Variants in NXPE3 observed in about 807,000 individuals in gnomAD.
NXPE3 encodes neurexophilin and PC-esterase domain family member 3.
In NXPE3, 26 loss-of-function variants were observed where a neutral mutation model predicts 46.1. The ratio of observed to expected loss-of-function variants is 0.56; its 90% CI spans 0.41 to 0.78. The LOEUF (loss-of-function observed/expected upper bound fraction) is 0.78. Among genes scored for constraint, NXPE3 ranks in the 30% least tolerant of loss-of-function variants. The probability of loss-of-function intolerance (pLI) is 0.00; values close to 1 mark genes in which losing one functional copy is unlikely to be tolerated. For synonymous variants in NXPE3, 272 were observed against 257.9 expected, an observed-to-expected ratio of 1.05 and a Z score of -0.52; for missense variants, 620 against 686.0, an observed-to-expected ratio of 0.90 and a Z score of 1.07.
intron 4 of NXPE3, among the ~76,000 whole-genome samples, chr3:101,789,193 G>C (rs1289779669): frequency 1.3e-5 from 2 of 152,008 alleles, no homozygotes. Context: ...TAAAGTGATA[G>C]CTAAAGTCAT....
At chr3:101,795,885 AT>A (rs1468904060) in intron 4 of NXPE3, among the ~76,000 whole-genome samples, 1 of 152,126 alleles carries the variant, frequency 6.6e-6, no homozygotes, top group African/African-American at 2.4e-5. Flanking sequence ...ATCCTCCTTC[AT>A]GGTTGATTGT....
rs1448861780 is a variant in NXPE3 at position 101,785,530 on chromosome 3, G to T, written c.-67G>T. 4 of 1,400,676 alleles carry T rather than the reference G, an allele frequency of 2.9e-6. No homozygotes were observed. In the South Asian group the frequency reaches 4.6e-5, roughly 16 times the overall value. 86.8% of individuals were successfully genotyped at this position (1,400,676 alleles called of 1,614,324 possible). A position where few individuals can be genotyped will look rare whatever the true frequency, so the allele number is the denominator to read the frequency against. ...CTCATCTGCAGCTCAGAAAAGCAAA[G>T]ACATGGAATTTTAAAGAGTGAAGGT... On this transcript the variant is annotated 5_prime_UTR_variant, in exon 4 of 8. Coordinates refer to ENST00000273347, the MANE Select transcript of NXPE3 (RefSeq NM_145037.4).
chr3:101,802,579 T>C (rs1941222706), intron 5 of NXPE3, among the ~76,000 whole-genome samples: 1 of 152,002 alleles, frequency 6.6e-6, no homozygotes, highest in African/African-American at 2.4e-5. Context: ...TTAAAATCAT[T>C]TGAACCTACT....
In NXPE3 at chr3:101,783,341, G is replaced by A. The variant is rs1939943260; in HGVS notation, c.-196+561G>A. On this transcript the variant is annotated intron_variant, in intron 3 of 7. Coordinates refer to ENST00000273347, the MANE Select transcript of NXPE3 (RefSeq NM_145037.4). ...CTCCCAAAGTGCTGGGATTACAGGC[G>A]TGAGCCACTGCACCTGGCCTGGTAT... Among the ~76,000 whole-genome samples, 3 of 152,232 alleles carry A rather than the reference G, an allele frequency of 2.0e-5. No individual in the cohort carries two copies. The South Asian group carries it at 6.2e-4, about 31-fold the overall frequency.
rs1942273791 is a variant in NXPE3 at position 101,821,864 on chromosome 3, T to C, written c.1590T>C (p.His530=). ...ATGCCTGGGAGATGACCCTGGCCCA[T>C]TATCTACCGCACAAGCTGCATCCAG... is the stretch of plus-strand genomic sequence containing the variant. ...LVDAWEMTLA[H]YLPHKLHPDE... The change falls in exon 8 of 8, where the codon CAT becomes CAC. Residue 530 remains histidine, a synonymous_variant. Coordinates refer to ENST00000273347, the MANE Select transcript of NXPE3 (RefSeq NM_145037.4). 4.3e-6 allele frequency: 7 copies of C among 1,614,132 alleles called. No individual in the cohort carries two copies. The East Asian group carries it at 1.6e-4, about 36-fold the overall frequency.
Position 101,785,580 on chromosome 3 carries a change from C to G in NXPE3, c.-17C>G, listed in dbSNP as rs368026772. On this transcript the variant is annotated 5_prime_UTR_variant, in exon 4 of 8. Coordinates refer to ENST00000273347, the MANE Select transcript of NXPE3 (RefSeq NM_145037.4). ...TAGCATGGTGTCGGCCATGGGTGAACAAGACACAGCCAGACAATGTGGACC... is the reference window on the plus strand; with the variant it reads ...TAGCATGGTGTCGGCCATGGGTGAAGAAGACACAGCCAGACAATGTGGACC... 1 of 1,611,738 alleles carries G rather than the reference C, an allele frequency of 6.2e-7. No individual in the cohort carries two copies. The highest frequency in any genetic ancestry group is 2.2e-5 in the East Asian group (1 of 44,860).
rs746616239 is a variant in NXPE3, at chr3:101,801,317, G to A, written c.176G>A (p.Arg59Gln). Residue 59 changes from arginine to glutamine, a missense_variant, in exon 5 of 8, where the codon CGA (arginine) becomes CAA (glutamine). Around this residue, in one of 3 missense-constraint regions of NXPE3, gnomAD observed 511 missense variants for 528.6 expected, o/e 0.97. Coordinates refer to ENST00000273347, the MANE Select transcript of NXPE3 (RefSeq NM_145037.4). Reference protein sequence around the residue: ...FVSSQVTGISRNPYCGYDQQT... With the variant: ...FVSSQVTGISQNPYCGYDQQT... Reference sequence around the variant, plus strand: ...TCCTCCCAGGTGACAGGAATTAGCCGAAATCCCTACTGTGGCTATGATCAG... The same window carrying A: ...TCCTCCCAGGTGACAGGAATTAGCCAAAATCCCTACTGTGGCTATGATCAG... 6.8e-6 allele frequency: 11 copies of A among 1,614,044 alleles called. No individual in the cohort carries two copies. Among genetic ancestry groups the A allele is most frequent in the South Asian group, 4.4e-5 (4 of 91,078 alleles).
intron 1 of NXPE3, among the ~76,000 whole-genome samples, chr3:101,781,215 CA>C (rs1939806649): frequency 6.6e-6 from 1 of 152,162 alleles, no homozygotes; most frequent in African/African-American, 2.4e-5. Context: ...ATTTGGCCAA[CA>C]GGTCAGAGTA....
At chr3:101,806,134 G>C (rs1941406740) in intron 5 of NXPE3, among the ~76,000 whole-genome samples, 1 of 152,106 alleles carries the variant, frequency 6.6e-6, no homozygotes, top group Middle Eastern at 3.2e-3. Context: ...AGTAGCCCTG[G>C]ATTCTAGGAC....
chr3:101,794,232 AG>A (rs1038169048), intron 4 of NXPE3, among the ~76,000 whole-genome samples: 5 of 151,952 alleles, frequency 3.3e-5, no homozygotes, highest in African/African-American at 1.2e-4. Flanking sequence ...GAGAAGCTGA[AG>A]GGGGGAGGAG....
rs1162366016 is a variant in NXPE3, at chr3:101,807,034, T to G, written c.849-19T>G. ...AATGTTCCTGAACCTGAGCTTGTGC[T>G]TTTTTATTCCTCTTAAAGTGGTGTC... On this transcript the variant is annotated intron_variant, in intron 5 of 7. Coordinates refer to ENST00000273347, the MANE Select transcript of NXPE3 (RefSeq NM_145037.4). 6.3e-7 allele frequency: 1 copy of G among 1,587,818 alleles called. No homozygotes were observed. The highest frequency in any genetic ancestry group is 1.1e-5 in the South Asian group (1 of 90,112).
chr3:101,783,617 G>A lies in NXPE3; in HGVS notation c.-196+837G>A, dbSNP rs1309984429. On this transcript the variant is annotated intron_variant, in intron 3 of 7. Coordinates refer to ENST00000273347, the MANE Select transcript of NXPE3 (RefSeq NM_145037.4). ...CCTTCTTTCTGCATCACTGACAGCTGTGTGCTGCTGCTGCCTGGCTGAACC... is the reference window on the plus strand; with the variant it reads ...CCTTCTTTCTGCATCACTGACAGCTATGTGCTGCTGCTGCCTGGCTGAACC... Among the ~76,000 whole-genome samples the A allele has an allele frequency of 2.0e-5, 3 of 152,198 alleles. No individual in the cohort carries two copies. In the East Asian group the frequency reaches 5.8e-4, roughly 29 times the overall value.
At chr3:101,788,256 T>C (rs1940307475) in intron 4 of NXPE3, among the ~76,000 whole-genome samples, 1 of 152,184 alleles carries the variant, frequency 6.6e-6, no homozygotes, top group African/African-American at 2.4e-5. Flanking sequence ...GTTGTAGGAG[T>C]TCTTTATGTG....
chr3:101,807,175 G>T, intron 6 of NXPE3, 49 bp downstream of exon 6: 2 of 1,396,226 alleles, frequency 1.4e-6, no homozygotes, highest in Non-Finnish European at 1.0e-6. Context: ...TTACTAACTG[G>T]GTTGAGGCTC....
At position 101,821,883 on chromosome 3, in the gene NXPE3, C is replaced by G. The variant is rs1173518557; in HGVS notation, c.1609C>G (p.His537Asp). Residue 537 changes from histidine (H) to aspartate (D), a missense_variant, in exon 8 of 8, where the codon CAT becomes GAT. His to Asp is a moderately conservative substitution (Grantham distance 81). This residue lies in a region of NXPE3 where 34 missense variants were observed against 36.2 expected (regional missense o/e 0.94). Coordinates refer to ENST00000273347, the MANE Select transcript of NXPE3 (RefSeq NM_145037.4). The stretch of plus-strand genomic sequence containing the variant: ...GGCCCATTATCTACCGCACAAGCTG[C>G]ATCCAGATGAAGTTATTGTGAAGAA... Reference protein sequence around the residue: ...TLAHYLPHKLHPDEVIVKNQL... With the variant: ...TLAHYLPHKLDPDEVIVKNQL... The G allele has an allele frequency of 6.2e-7, 1 of 1,614,202 alleles. No individual in the cohort carries two copies. Among genetic ancestry groups the G allele is most frequent in the East Asian group, 2.2e-5 (1 of 44,888 alleles).
At position 101,818,119 on chromosome 3, in the gene NXPE3, T is replaced by G. The variant is rs74820494; in HGVS notation, c.1129+1118T>G. Reference sequence around the variant, plus strand: ...TGTTGCTCAGGCTAGTCTCGAATTCTCATGCTCAAGCAGTCCGCCCGCCTC... The same window carrying G: ...TGTTGCTCAGGCTAGTCTCGAATTCGCATGCTCAAGCAGTCCGCCCGCCTC... On this transcript the variant is annotated intron_variant, in intron 7 of 7. Coordinates refer to ENST00000273347, the MANE Select transcript of NXPE3 (RefSeq NM_145037.4). 7.8e-3 allele frequency among the ~76,000 whole-genome samples: 1,188 copies of G among 152,040 alleles called. 18 individuals are homozygous for G. Among genetic ancestry groups the G allele is most frequent in the African/African-American group, 0.028 (1,142 of 41,464 alleles).
At chr3:101,812,536 G>A (rs35810977) in intron 6 of NXPE3, among the ~76,000 whole-genome samples, 47,515 of 151,738 alleles carry the variant, frequency 0.31, 7,606 homozygotes, top group Non-Finnish European at 0.34. Context: ...TTCGACGGCC[G>A]GGCGCAGTGG....
chr3:101,811,727 ATTTTTTT>A lies in NXPE3; in HGVS notation c.922+4619_922+4625del, dbSNP rs33999838. On this transcript the variant is annotated intron_variant, in intron 6 of 7. Transcript: ENST00000273347. ...TGCTTTGGTTTGCCTGCAGTAGTTA[ATTTTTTT>A]TTTTTTTTTTTTTTTTTGAGAAGGT... 1.0e-3 allele frequency among the ~76,000 whole-genome samples: 100 copies of A among 98,634 alleles called. 4 individuals are homozygous for A. The South Asian group carries it at 0.026, about 25-fold the overall frequency. The allele number at this position is 98,634 out of a possible 152,430, so 64.7% of individuals were successfully genotyped here.
chr3:101,809,291 C>T (rs189415002), intron 6 of NXPE3, among the ~76,000 whole-genome samples: 53 of 152,166 alleles, frequency 3.5e-4, no homozygotes, highest in African/African-American at 1.3e-3. Flanking sequence ...AGGTATATAA[C>T]TGGAAAGAAA....
Sources: gnomAD v4.1 joint callset for allele counts (sites outside exome capture counted in the v4.1 genomes callset) on GRCh38, gnomAD v4.1.1 for gene constraint, gnomAD v4.1.1 regional missense constraint, MANE v1.5 for transcripts, NCBI Gene and HGNC (gene_info 2026-07-23, HGNC 2026-07-21) for gene names.